The following MIR2052HG variants were observed in gnomAD, a reference collection of about 807,000 sequenced individuals.
The protein encoded by MIR2052HG is MIR2052 host gene.
intron 2 of MIR2052HG, among the ~76,000 whole-genome samples, chr8:74,656,761 C>T (rs765462362): frequency 6.6e-6 from 1 of 152,144 alleles, no homozygotes; most frequent in Non-Finnish European, 1.5e-5. Flanking sequence ...CCAGAGAGGA[C>T]TGCCCACTTC....
chr8:74,699,585 A>G (rs1266851053), intron 2 of MIR2052HG, among the ~76,000 whole-genome samples: 1 of 152,082 alleles, frequency 6.6e-6, no homozygotes, highest in Non-Finnish European at 1.5e-5. Flanking sequence ...GAGCTAAGCT[A>G]TGAGGATGCA....
intron 4 of MIR2052HG, among the ~76,000 whole-genome samples, chr8:74,709,609 TTC>T (rs1216310659): frequency 6.6e-6 from 1 of 152,168 alleles, no homozygotes. Context: ...TCTCTTAGAT[TTC>T]TATATTAGCT....
intron 2 of MIR2052HG, among the ~76,000 whole-genome samples, chr8:74,631,970 CTAT>C (rs1280863693): frequency 3.3e-5 from 5 of 152,162 alleles, no homozygotes; most frequent in African/African-American, 9.7e-5. Context: ...CCTCTTAACA[CTAT>C]TGCATTAAGG....
At chr8:74,609,126 G>A (rs2128731088) in intron 1 of MIR2052HG, among the ~76,000 whole-genome samples, 1 of 152,024 alleles carries the variant, frequency 6.6e-6, no homozygotes, top group African/African-American at 2.4e-5. Context: ...CATCACTAAA[G>A]AGTTTATTGA....
At chr8:74,659,657 G>A (rs1808841067) in intron 2 of MIR2052HG, among the ~76,000 whole-genome samples, 1 of 152,126 alleles carries the variant, frequency 6.6e-6, no homozygotes, top group African/African-American at 2.4e-5. Flanking sequence ...TGTTGCCCAG[G>A]CTGGTCTCAA....
chr8:74,636,400 G>T (rs1269163247), intron 2 of MIR2052HG, among the ~76,000 whole-genome samples: 2 of 152,122 alleles, frequency 1.3e-5, no homozygotes, highest in Non-Finnish European at 2.9e-5. Context: ...CTGGCAGTCT[G>T]AGTTAACTAA....
At chr8:74,624,399 T>C (rs1253493514) in intron 2 of MIR2052HG, among the ~76,000 whole-genome samples, 2 of 152,260 alleles carry the variant, frequency 1.3e-5, no homozygotes, top group Non-Finnish European at 2.9e-5. Context: ...TGACTTTCTG[T>C]AAATACACTG....
intron 4 of MIR2052HG, among the ~76,000 whole-genome samples, chr8:74,730,784 G>A (rs1341818226): frequency 2.6e-5 from 3 of 117,024 alleles, no homozygotes; most frequent in African/African-American, 8.3e-5. Context: ...AACTGTTGAA[G>A]CAATTTTTAT....
chr8:74,665,199 A>G (rs945581026), intron 2 of MIR2052HG, among the ~76,000 whole-genome samples: 5 of 152,186 alleles, frequency 3.3e-5, no homozygotes, highest in African/African-American at 1.2e-4. Context: ...CGAATTTGCC[A>G]ATATGCTACT....
intron 2 of MIR2052HG, among the ~76,000 whole-genome samples, chr8:74,622,227 T>G (rs192114493): frequency 3.0e-3 from 451 of 152,294 alleles, no homozygotes; most frequent in Admixed American, 6.3e-3. Flanking sequence ...ATAATCCATT[T>G]AAAGAATGGG....
intron 4 of MIR2052HG, among the ~76,000 whole-genome samples, chr8:74,722,994 G>C (rs1809594798): frequency 6.6e-6 from 1 of 152,128 alleles, no homozygotes; most frequent in South Asian, 2.1e-4. Flanking sequence ...AACACCTGAT[G>C]GGGAACTCTC....
chr8:74,723,970 G>A (rs1809607196), intron 4 of MIR2052HG, among the ~76,000 whole-genome samples: 2 of 152,128 alleles, frequency 1.3e-5, no homozygotes, highest in Admixed American at 1.3e-4. Flanking sequence ...TTGATTCTAA[G>A]ACTCCCCAGC....
intron 2 of MIR2052HG, among the ~76,000 whole-genome samples, chr8:74,617,806 G>C (rs909395509): frequency 6.6e-6 from 1 of 152,138 alleles, no homozygotes; most frequent in African/African-American, 2.4e-5. Context: ...GGTTGTACTA[G>C]TTTACATTCC....
intron 2 of MIR2052HG, among the ~76,000 whole-genome samples, chr8:74,667,371 G>C (rs1808941673): frequency 6.6e-6 from 1 of 152,122 alleles, no homozygotes. Flanking sequence ...AAAAGATAAT[G>C]AGACAAATTA....
intron 1 of MIR2052HG, among the ~76,000 whole-genome samples, chr8:74,606,056 T>C (rs1186062111): frequency 6.6e-6 from 1 of 152,144 alleles, no homozygotes; most frequent in African/African-American, 2.4e-5. Flanking sequence ...GTTAAAACAA[T>C]TTTACAGAAG....
chr8:74,692,174 T>G (rs1191861053), intron 2 of MIR2052HG, among the ~76,000 whole-genome samples: 1 of 152,222 alleles, frequency 6.6e-6, no homozygotes, highest in Admixed American at 6.5e-5. Flanking sequence ...CAATGCAACC[T>G]CTGCTTTCTG....
chr8:74,617,274 A>T (rs1216871142), intron 2 of MIR2052HG, among the ~76,000 whole-genome samples: 1 of 151,996 alleles, frequency 6.6e-6, no homozygotes, highest in Non-Finnish European at 1.5e-5. Context: ...TCCAGTATTT[A>T]TTATTCTGCT....
chr8:74,634,126 T>C (rs942064676), intron 2 of MIR2052HG, among the ~76,000 whole-genome samples: 1 of 152,200 alleles, frequency 6.6e-6, no homozygotes, highest in Non-Finnish European at 1.5e-5. Flanking sequence ...AAAGCATGCT[T>C]GCTCTTCAGA....
intron 4 of MIR2052HG, among the ~76,000 whole-genome samples, chr8:74,729,468 CAG>C (rs1266238045): frequency 6.6e-6 from 1 of 152,066 alleles, no homozygotes; most frequent in Non-Finnish European, 1.5e-5. Context: ...TGTTTAATTT[CAG>C]AGAGATTAAC....
Sources: gnomAD v4.1 joint callset for allele counts (sites outside exome capture counted in the v4.1 genomes callset) on GRCh38, gnomAD v4.1.1 for gene constraint, MANE v1.5 for transcripts, NCBI Gene and HGNC (gene_info 2026-07-23, HGNC 2026-07-21) for gene names.